PACS1: variants seen among roughly 807,000 people sequenced by gnomAD.
PACS1 encodes the protein PACS-1.
PACS1 carries 24 observed loss-of-function variants against 115.0 expected under a neutral mutation model. The observed-to-expected ratio is 0.21, with a 90% confidence interval of 0.15 to 0.29. The LOEUF is 0.29. Among genes scored for constraint, PACS1 ranks in the 10% least tolerant of loss-of-function variants. PACS1 has a pLI of 1.00. For synonymous variants in PACS1, 453 were observed against 504.5 expected (o/e 0.90, Z 1.37); for missense variants, 838 against 1,251.2 (o/e 0.67, Z 4.98).
chr11:66,082,739 C>T (rs1164403824), intron 1 of PACS1, among the ~76,000 whole-genome samples: 1 of 152,138 alleles, frequency 6.6e-6, no homozygotes, highest in Non-Finnish European at 1.5e-5. Flanking sequence ...CCTGTAATCT[C>T]AGCTACTTGG....
At chr11:66,212,278 T>C (rs1026480341) in intron 4 of PACS1, among the ~76,000 whole-genome samples, 1 of 151,264 alleles carries the variant, frequency 6.6e-6, no homozygotes, top group Non-Finnish European at 1.5e-5. Flanking sequence ...ACTACAGGCG[T>C]GCACCACCAT....
Position 66,243,369 on chromosome 11 carries a change from C to A in PACS1, c.*89C>A. ...GGGAGGCCAGCAGGCCCGGGCCCAGCACCCCTTCCCTGGCACCAGGGTCTG... is the reference window on the plus strand; with the variant it reads ...GGGAGGCCAGCAGGCCCGGGCCCAGAACCCCTTCCCTGGCACCAGGGTCTG... On this transcript the variant is annotated 3_prime_UTR_variant, in exon 24 of 24. Coordinates refer to ENST00000320580, the MANE Select transcript of PACS1 (RefSeq NM_018026.4). 1.2e-6 allele frequency: 1 copy of A among 843,490 alleles called. No homozygotes were observed. 52.3% of individuals were successfully genotyped at this position (843,490 alleles called of 1,614,324 possible).
intron 21 of PACS1, 44 bp downstream of exon 21, chr11:66,239,321 G>T: frequency 6.4e-7 from 1 of 1,574,338 alleles, no homozygotes; most frequent in Non-Finnish European, 8.6e-7. Context: ...CCTCCATCAG[G>T]CCCACCCGGC....
In PACS1 at chr11:66,197,661, A is replaced by G. The variant is rs965679716; in HGVS notation, c.444+4088A>G. Reference sequence around the variant, plus strand: ...ATAAAAACTATCTGGGCATGGTGGCATATGCCTGCAGTCCCAGCTATTTGG... The same window carrying G: ...ATAAAAACTATCTGGGCATGGTGGCGTATGCCTGCAGTCCCAGCTATTTGG... On this transcript the variant is annotated intron_variant, in intron 2 of 23. Transcript: ENST00000320580. Among the ~76,000 whole-genome samples, 7 of 152,252 alleles carry G rather than the reference A, an allele frequency of 4.6e-5. No individual in the cohort carries two copies. The East Asian group carries it at 5.8e-4, about 13-fold the overall frequency.
At chr11:66,144,447 A>G (rs1859072429) in intron 1 of PACS1, among the ~76,000 whole-genome samples, 1 of 152,198 alleles carries the variant, frequency 6.6e-6, no homozygotes. Context: ...GTTTTCTTTC[A>G]TGTGTGAGAA....
At chr11:66,200,044 AAAAC>A (rs1465396802) in intron 2 of PACS1, among the ~76,000 whole-genome samples, 4 of 113,176 alleles carry the variant, frequency 3.5e-5, no homozygotes, top group Non-Finnish European at 6.2e-5. Flanking sequence ...AAAACAAAAC[AAAAC>A]AAAAAAAAAA....
chr11:66,136,109 C>T (rs1454238839), intron 1 of PACS1, among the ~76,000 whole-genome samples: 5 of 152,156 alleles, frequency 3.3e-5, no homozygotes, highest in African/African-American at 9.7e-5. Context: ...GACGTAGATA[C>T]GTAAGTACGT....
At chr11:66,087,672 G>T (rs1395804031) in intron 1 of PACS1, among the ~76,000 whole-genome samples, 2 of 152,206 alleles carry the variant, frequency 1.3e-5, no homozygotes, top group Non-Finnish European at 2.9e-5. Context: ...CGTAGTTTGT[G>T]TACAGTCCGC....
intron 10 of PACS1, 160 bp downstream of exon 10, chr11:66,221,407 G>T: frequency 1.5e-6 from 1 of 648,954 alleles, no homozygotes; most frequent in South Asian, 1.8e-5. Flanking sequence ...TGGCACTTTG[G>T]GAGGTGGAGT....
intron 1 of PACS1, among the ~76,000 whole-genome samples, chr11:66,078,960 T>G (rs530608502): frequency 6.6e-6 from 1 of 152,148 alleles, no homozygotes; most frequent in East Asian, 1.9e-4. Context: ...CAGGCTGGAG[T>G]GCAGTGGCGC....
chr11:66,222,587 G>C (rs1266597774), intron 10 of PACS1, among the ~76,000 whole-genome samples: 1 of 152,128 alleles, frequency 6.6e-6, no homozygotes, highest in Non-Finnish European at 1.5e-5. Context: ...GCCCTCCAAA[G>C]CCCAGTGTCT....
chr11:66,114,385 T>C (rs1323952517), intron 1 of PACS1, among the ~76,000 whole-genome samples: 3 of 145,774 alleles, frequency 2.1e-5, no homozygotes, highest in African/African-American at 7.6e-5. Context: ...ACCACTGCAC[T>C]CCAGCCTGGG....
intron 1 of PACS1, among the ~76,000 whole-genome samples, chr11:66,125,583 G>A (rs895149366): frequency 6.6e-6 from 1 of 152,170 alleles, no homozygotes; most frequent in Non-Finnish European, 1.5e-5. Flanking sequence ...CAAAGTGTAT[G>A]AAAATACACA....
At chr11:66,089,871 T>G (rs1313151601) in intron 1 of PACS1, among the ~76,000 whole-genome samples, 1 of 151,882 alleles carries the variant, frequency 6.6e-6, no homozygotes, top group Non-Finnish European at 1.5e-5. Flanking sequence ...CTGGGTGTGG[T>G]GGCGGGCACC....
chr11:66,153,902 C>T (rs1222625157), intron 1 of PACS1, among the ~76,000 whole-genome samples: 1 of 152,110 alleles, frequency 6.6e-6, no homozygotes, highest in Non-Finnish European at 1.5e-5. Flanking sequence ...GTACATTTTA[C>T]CTGCTTAGAA....
intron 1 of PACS1, among the ~76,000 whole-genome samples, chr11:66,085,543 G>A (rs1157000957): frequency 6.6e-6 from 1 of 152,018 alleles, no homozygotes; most frequent in African/African-American, 2.4e-5. Flanking sequence ...TCTTTCATTC[G>A]TTCTTTTACA....
chr11:66,238,873 G>A (rs1391463425), intron 20 of PACS1, 27 bp downstream of exon 20: 2 of 1,560,982 alleles, frequency 1.3e-6, no homozygotes, highest in African/African-American at 1.4e-5. Context: ...CTTGTTCTGT[G>A]GAGTGAGGCT....
intron 1 of PACS1, among the ~76,000 whole-genome samples, chr11:66,118,549 C>A (rs976315846): frequency 6.6e-6 from 1 of 152,020 alleles, no homozygotes; most frequent in Admixed American, 6.6e-5. Flanking sequence ...GAAGTCAAGG[C>A]TGCAGTGAGC....
intron 1 of PACS1, among the ~76,000 whole-genome samples, chr11:66,164,331 C>T (rs181832903): frequency 5.3e-5 from 8 of 152,006 alleles, no homozygotes; most frequent in Admixed American, 2.6e-4. Flanking sequence ...AAAAATAGCA[C>T]AGTGACCCTG....
Sources: gnomAD v4.1 joint callset for allele counts (sites outside exome capture counted in the v4.1 genomes callset) on GRCh38, gnomAD v4.1.1 for gene constraint, MANE v1.5 for transcripts, NCBI Gene and HGNC (gene_info 2026-07-23, HGNC 2026-07-21) for gene names.